Variants in DDB1 observed in about 807,000 individuals in gnomAD.
DDB1 encodes the protein DNA damage-binding protein 1.
A neutral mutation model predicts 133.1 loss-of-function variants in DDB1; 18 were observed. The ratio of observed to expected loss-of-function variants is 0.14; its 90% CI spans 0.09 to 0.20. DDB1 has a LOEUF of 0.20. DDB1 is among the 10% of genes least tolerant of loss of function. DDB1 has a pLI of 1.00. For missense variants in DDB1, 828 were observed against 1,459.2 expected, an observed-to-expected ratio of 0.57 and a Z score of 7.05; for synonymous variants, 580 against 550.5, an observed-to-expected ratio of 1.05 and a Z score of -0.75.
At chr11:61,321,240 T>C (rs1432380696) in intron 10 of DDB1, 1 of 158,616 alleles carries the variant, frequency 6.3e-6, no homozygotes, top group African/African-American at 2.4e-5. Context: ...TTTATATTTT[T>C]TATCTAGAAA....
At chr11:61,312,154 C>T in intron 16 of DDB1, 70 bp from the exon 17 acceptor site, 2 of 1,388,746 alleles carry the variant, frequency 1.4e-6, no homozygotes, top group Non-Finnish European at 2.0e-6. Context: ...GGCAACTCCA[C>T]AGAGGAAGAA....
intron 4 of DDB1, among the ~76,000 whole-genome samples, chr11:61,328,153 A>G (rs1233938007): frequency 6.6e-6 from 1 of 152,222 alleles, no homozygotes; most frequent in Non-Finnish European, 1.5e-5. Flanking sequence ...TTACAAAACT[A>G]AAGAACATAG....
rs1856316300 is a variant in DDB1 at position 61,328,870 on chromosome 11, A to G, written c.549+493T>C. Among the ~76,000 whole-genome samples the G allele has an allele frequency of 2.6e-5, 4 of 152,064 alleles. No homozygotes were observed. In the South Asian group the frequency reaches 8.3e-4, roughly 32 times the overall value. On this transcript the variant is annotated intron_variant, in intron 4 of 26. Transcript: ENST00000301764. ...GGGCAACAGAGTGAGACTCTGTCTC[A>G]AAAAAAATAATAAAATAAAATTAAA...
At chr11:61,330,406 T>C (rs1465480990) in intron 2 of DDB1, among the ~76,000 whole-genome samples, 1 of 136,816 alleles carries the variant, frequency 7.3e-6, no homozygotes, top group Non-Finnish European at 1.6e-5. Flanking sequence ...CCTCCTCCAC[T>C]CCTCCCCAAG....
At chr11:61,321,552 C>A in intron 10 of DDB1, 43 bp downstream of exon 10, 1 of 1,584,990 alleles carries the variant, frequency 6.3e-7, no homozygotes, top group East Asian at 2.2e-5. Context: ...AGGCCAAAGT[C>A]CCTCATGTAA....
intron 23 of DDB1, 79 bp from the exon 24 acceptor site, chr11:61,302,830 C>T (rs1040756719): frequency 1.3e-6 from 2 of 1,564,852 alleles, no homozygotes; most frequent in Non-Finnish European, 1.7e-6. Flanking sequence ...GTGCAGTGGT[C>T]ACGGTGCTCA....
chr11:61,303,226 G>GT (rs1471607505), intron 22 of DDB1, 71 bp from the exon 23 acceptor site: 29 of 1,429,884 alleles, frequency 2.0e-5, no homozygotes, highest in Non-Finnish European at 2.8e-5. Flanking sequence ...TGGGACTTGT[G>GT]TTTCCTTTAT....
At chr11:61,304,070 C>T (rs1351076286) in intron 21 of DDB1, 35 bp from the exon 22 acceptor site, 1 of 1,610,052 alleles carries the variant, frequency 6.2e-7, no homozygotes, top group Non-Finnish European at 8.5e-7. Flanking sequence ...GCCAAAGGGG[C>T]CAGAGCTCTC....
Position 61,316,330 on chromosome 11 carries a change from C to G in DDB1, c.1365G>C (p.Gln455His). 4 of 1,614,180 alleles carry G rather than the reference C, an allele frequency of 2.5e-6. No individual in the cohort carries two copies. The highest frequency in any genetic ancestry group is 3.4e-6 in the Non-Finnish European group (4 of 1,180,038). Residue 455 changes from glutamine (Q) to histidine (H), a missense_variant, in exon 12 of 27, where the codon CAG (glutamine) becomes CAC (histidine). Gln to His is a conservative substitution (Grantham distance 24, BLOSUM62 0). Around this residue, in one of 7 missense-constraint regions of DDB1, gnomAD observed 396 missense variants for 554.1 expected, o/e 0.71. Coordinates refer to ENST00000301764, the MANE Select transcript of DDB1 (RefSeq NM_001923.5). The part of the protein sequence containing the change: ...ETELMGFVDD[Q>H]QTFFCGNVAH... The stretch of plus-strand genomic sequence containing the variant: ...CCACGTTGCCACAGAAGAAAGTCTG[C>G]TGATCATCCACGAAACCCATCAGTT...
Position 61,329,537 on chromosome 11 carries a change from G to C in DDB1, c.375C>G (p.Asp125Glu). The change falls in exon 4 of 27, where the codon GAC (aspartate) becomes GAG (glutamate). Residue 125 changes from aspartate (D) to glutamate (E), a missense_variant. Physicochemically the swap from Asp to Glu is conservative, Grantham distance 45. Around this residue, in one of 7 missense-constraint regions of DDB1, gnomAD observed 210 missense variants for 344.8 expected, o/e 0.61. Transcript: ENST00000301764. ...PSETGIIGII[D>E]PECRMIGLRL... ...GCAGGCCAATCATCCGGCACTCAGG[G>C]TCAATGATGCCAATAATGCCGGTCT... 1 of 1,614,174 alleles carries C rather than the reference G, an allele frequency of 6.2e-7. No homozygotes were observed. The highest frequency in any genetic ancestry group is 8.5e-7 in the Non-Finnish European group (1 of 1,180,022).
rs373562495 is a variant in DDB1 at position 61,300,103 on chromosome 11, G to A, written c.*33C>T. 1 of 1,608,734 alleles carries A rather than the reference G, an allele frequency of 6.2e-7. No individual in the cohort carries two copies. The highest frequency in any genetic ancestry group is 8.5e-7 in the Non-Finnish European group (1 of 1,175,614). On this transcript the variant is annotated 3_prime_UTR_variant, in exon 27 of 27. Transcript: ENST00000301764. ...GGAGGGCAGCAGGGCAAAGCCTTTGGGGAGGGTCAGCAAAGGGGCCCCCTG... is the reference window on the plus strand; with the variant it reads ...GGAGGGCAGCAGGGCAAAGCCTTTGAGGAGGGTCAGCAAAGGGGCCCCCTG...
At chr11:61,319,119 T>C (rs564765854) in intron 10 of DDB1, among the ~76,000 whole-genome samples, 1 of 152,240 alleles carries the variant, frequency 6.6e-6, no homozygotes, top group African/African-American at 2.4e-5. Context: ...ATAGAGAAGA[T>C]CTCTTGAACC....
chr11:61,322,993 A>G lies in DDB1; in HGVS notation c.1005+18T>C, dbSNP rs1050596885. The G allele has an allele frequency of 5.6e-6, 9 of 1,608,660 alleles. No homozygotes were observed. The highest frequency in any genetic ancestry group is 6.8e-6 in the Non-Finnish European group (8 of 1,176,906). On this transcript the variant is annotated intron_variant, in intron 8 of 26. Transcript: ENST00000301764. ...GTGAGTACAGCAAAAAAGAAACCAGAAACAAGTGTCTTCTCACCTTCACAA... is the reference window on the plus strand; with the variant it reads ...GTGAGTACAGCAAAAAAGAAACCAGGAACAAGTGTCTTCTCACCTTCACAA...
chr11:61,331,381 G>A (rs1411961796), intron 2 of DDB1, among the ~76,000 whole-genome samples, 162 bp downstream of exon 2: 3 of 152,126 alleles, frequency 2.0e-5, no homozygotes, highest in Non-Finnish European at 4.4e-5. Flanking sequence ...CTACTCCAGA[G>A]GCTAAAGTGG....
rs1424756142 is a variant in DDB1 at position 61,300,337 on chromosome 11, G to C, written c.3340-118C>G. On this transcript the variant is annotated intron_variant, in intron 26 of 26. Transcript: ENST00000301764. The stretch of plus-strand genomic sequence containing the variant: ...CTCCACCATTGTCATGGCAGAGGAA[G>C]GACTCACCAGAAACCCACGCCTCCC... The C allele has an allele frequency of 4.7e-6, 5 of 1,072,574 alleles. 1 individual carries two copies. Among genetic ancestry groups the C allele is most frequent in the Middle Eastern group, 2.3e-4 (1 of 4,402 alleles). 66.4% of individuals were successfully genotyped at this position (1,072,574 alleles called of 1,614,324 possible).
At chr11:61,321,438 A>G in intron 10 of DDB1, 157 bp downstream of exon 10, 1 of 462,660 alleles carries the variant, frequency 2.2e-6, no homozygotes, top group South Asian at 4.8e-5. Flanking sequence ...TTACTTTTAT[A>G]CTTTCAGATA....
intron 12 of DDB1, 175 bp from the exon 13 acceptor site, chr11:61,314,661 T>G (rs1590688808): frequency 3.1e-6 from 2 of 649,034 alleles, no homozygotes; most frequent in East Asian, 3.0e-5. Flanking sequence ...TTTGCATGAA[T>G]GCCTGAAGGA....
At chr11:61,304,597 G>A (rs368887601) in intron 21 of DDB1, among the ~76,000 whole-genome samples, 3 of 152,178 alleles carry the variant, frequency 2.0e-5, no homozygotes, top group East Asian at 1.9e-4. Flanking sequence ...CTGTGCAGCC[G>A]GCCGCAGTGG....
intron 10 of DDB1, among the ~76,000 whole-genome samples, chr11:61,316,946 G>A (rs12422075): frequency 6.9e-5 from 2 of 29,074 alleles, no homozygotes; most frequent in Non-Finnish European, 1.0e-4. Context: ...AAAAAGGATA[G>A]ATATATATAT....
Sources: allele counts gnomAD v4.1 joint callset (sites outside exome capture counted in the v4.1 genomes callset), GRCh38; gene constraint gnomAD v4.1.1; regional missense constraint gnomAD v4.1.1; transcripts MANE v1.5; gene names NCBI Gene and HGNC (gene_info 2026-07-23, HGNC 2026-07-21).